Variants in STX18 observed in about 807,000 individuals in gnomAD.
The protein encoded by STX18 is syntaxin-18.
Under a neutral mutation model 50.1 loss-of-function variants are expected in STX18, and 40 were observed. The ratio of observed to expected loss-of-function variants is 0.80; its 90% confidence interval spans 0.62 to 1.04. The LOEUF is 1.04. Ranked by LOEUF, STX18 falls within the 50% of genes least tolerant of loss-of-function variation. STX18 has a pLI of 0.00. For missense variants in STX18, 410 were observed against 415.8 expected (o/e 0.99, Z 0.12); for synonymous variants, 158 against 151.8 (o/e 1.04, Z -0.30).
intron 1 of STX18, among the ~76,000 whole-genome samples, chr4:4,481,306 T>G (rs990273422): frequency 6.6e-6 from 1 of 152,208 alleles, no homozygotes; most frequent in African/African-American, 2.4e-5. Flanking sequence ...TCTGTTCTGC[T>G]GGCACTCACA....
At chr4:4,501,950 A>G (rs1269539911) in intron 1 of STX18, among the ~76,000 whole-genome samples, 1 of 152,230 alleles carries the variant, frequency 6.6e-6, no homozygotes, top group Non-Finnish European at 1.5e-5. Flanking sequence ...GAAGTATAGC[A>G]TTTTAAAAGG....
At chr4:4,468,351 T>G (rs1424170983) in intron 2 of STX18, among the ~76,000 whole-genome samples, 1 of 152,116 alleles carries the variant, frequency 6.6e-6, no homozygotes, top group African/African-American at 2.4e-5. Flanking sequence ...TAACTTGAAA[T>G]AGACTGAGCA....
At chr4:4,485,883 C>T (rs11937935) in intron 1 of STX18, among the ~76,000 whole-genome samples, 7,095 of 152,254 alleles carry the variant, frequency 0.047, 551 homozygotes, top group African/African-American at 0.16. Flanking sequence ...CTTTCCTGCA[C>T]GGAACAGTCT....
chr4:4,447,691 C>T (rs1397395963), intron 5 of STX18, among the ~76,000 whole-genome samples: 1 of 146,588 alleles, frequency 6.8e-6, no homozygotes, highest in Non-Finnish European at 1.5e-5. Flanking sequence ...AGTGCTAACT[C>T]AGCACAGTCT....
chr4:4,523,329 T>G (rs560281638), intron 1 of STX18, among the ~76,000 whole-genome samples: 1 of 152,186 alleles, frequency 6.6e-6, no homozygotes, highest in African/African-American at 2.4e-5. Context: ...TCTTTTCTTC[T>G]GACTTGAAAT....
At chr4:4,432,315 T>C (rs145447968) in intron 7 of STX18, among the ~76,000 whole-genome samples, 179 of 152,322 alleles carry the variant, frequency 1.2e-3, no homozygotes, top group African/African-American at 4.1e-3. Context: ...GAAAGGCATA[T>C]GAAAATGGTC....
intron 5 of STX18, among the ~76,000 whole-genome samples, chr4:4,439,962 T>C (rs1425252816): frequency 6.6e-6 from 1 of 152,240 alleles, no homozygotes; most frequent in Non-Finnish European, 1.5e-5. Context: ...TTTATTTATC[T>C]GTTGGTTGTC....
intron 1 of STX18, among the ~76,000 whole-genome samples, chr4:4,532,706 A>C (rs1731158646): frequency 6.6e-6 from 1 of 152,228 alleles, no homozygotes; most frequent in African/African-American, 2.4e-5. Context: ...AAGATCACAT[A>C]GTAAGCTATT....
intron 1 of STX18, among the ~76,000 whole-genome samples, chr4:4,483,514 T>C (rs1728555855): frequency 6.6e-6 from 1 of 152,220 alleles, no homozygotes; most frequent in African/African-American, 2.4e-5. Context: ...ATTCTTCTAG[T>C]TCCCCAAACT....
intron 1 of STX18, among the ~76,000 whole-genome samples, chr4:4,508,866 A>C (rs183198172): frequency 2.0e-5 from 3 of 152,318 alleles, no homozygotes; most frequent in African/African-American, 7.2e-5. Context: ...TTCCAACTCC[A>C]TCCATGTCCC....
intron 5 of STX18, among the ~76,000 whole-genome samples, chr4:4,451,276 C>A (rs2108807820): frequency 6.6e-6 from 1 of 152,230 alleles, no homozygotes; most frequent in East Asian, 1.9e-4. Flanking sequence ...CATAAAGAGA[C>A]AGAAGAGAGA....
rs1724934782 is a variant in STX18 at position 4,421,076 on chromosome 4, A to G, written c.832-132T>C. On this transcript the variant is annotated intron_variant, in intron 9 of 10. Coordinates refer to ENST00000306200, the MANE Select transcript of STX18 (RefSeq NM_016930.4). ...AGTTTCAGATTTTGGAGCACTTAGG[A>G]CTTCACATTTTGAAGTTTAGGGATG... The G allele has an allele frequency of 3.6e-6, 3 of 844,484 alleles. No individual in the cohort carries two copies. In the Admixed American group the frequency reaches 6.2e-5, roughly 18 times the overall value. 52.3% of individuals were successfully genotyped at this position (844,484 alleles called of 1,614,324 possible). A position where few individuals can be genotyped will look rare whatever the true frequency, so the allele number is the denominator to read the frequency against.
intron 1 of STX18, among the ~76,000 whole-genome samples, chr4:4,477,281 C>T (rs962218823): frequency 1.3e-5 from 2 of 152,096 alleles, no homozygotes; most frequent in African/African-American, 4.8e-5. Flanking sequence ...TCATGTAGTA[C>T]TTTCTTCTTT....
intron 1 of STX18, among the ~76,000 whole-genome samples, chr4:4,529,335 C>A (rs1016507205): frequency 6.6e-6 from 1 of 152,150 alleles, no homozygotes; most frequent in African/African-American, 2.4e-5. Flanking sequence ...GCACTCCAGC[C>A]TGGGCGAGAC....
At chr4:4,519,925 C>A (rs140206709) in intron 1 of STX18, among the ~76,000 whole-genome samples, 1 of 152,230 alleles carries the variant, frequency 6.6e-6, no homozygotes, top group African/African-American at 2.4e-5. Context: ...ATTGGTGAGC[C>A]AAGCCAAAAT....
chr4:4,500,910 G>A (rs754533164), intron 1 of STX18, among the ~76,000 whole-genome samples: 11 of 152,058 alleles, frequency 7.2e-5, no homozygotes, highest in African/African-American at 1.7e-4. Flanking sequence ...GGTGGCGGGC[G>A]CCTATACCCT....
chr4:4,476,854 T>C (rs1728199692), intron 1 of STX18, among the ~76,000 whole-genome samples: 1 of 152,120 alleles, frequency 6.6e-6, no homozygotes, highest in Non-Finnish European at 1.5e-5. Context: ...GGGTTCCTTG[T>C]GCTATTCCAC....
chr4:4,538,290 T>G (rs371830810), intron 1 of STX18, among the ~76,000 whole-genome samples: 1 of 152,138 alleles, frequency 6.6e-6, no homozygotes, highest in Admixed American at 6.5e-5. Flanking sequence ...CTGGCTTCCA[T>G]GATCACAAGG....
At chr4:4,525,858 T>G (rs1168548264) in intron 1 of STX18, among the ~76,000 whole-genome samples, 6 of 152,154 alleles carry the variant, frequency 3.9e-5, no homozygotes, top group Non-Finnish European at 5.9e-5. Context: ...AGCAAATGCT[T>G]TCAATTCAAG....
Sources: allele counts gnomAD v4.1 joint callset (sites outside exome capture counted in the v4.1 genomes callset), GRCh38; gene constraint gnomAD v4.1.1; transcripts MANE v1.5; gene names NCBI Gene and HGNC (gene_info 2026-07-23, HGNC 2026-07-21).